RPL39L: variants seen among roughly 807,000 people sequenced by gnomAD.
The protein encoded by RPL39L is ribosomal protein eL39-like 2.
For missense variants in RPL39L, 48 were observed against 58.9 expected (o/e 0.81, Z 0.61); for synonymous variants, 16 against 20.1 (o/e 0.80, Z 0.55).
intron 1 of RPL39L, among the ~76,000 whole-genome samples, chr3:187,132,628 G>A (rs1560201199): frequency 6.6e-6 from 1 of 152,194 alleles, no homozygotes; most frequent in Non-Finnish European, 1.5e-5. Context: ...ACTATCTCAA[G>A]AGCCACTTTT....
intron 1 of RPL39L, among the ~76,000 whole-genome samples, chr3:187,132,884 A>C (rs1033060925): frequency 6.6e-6 from 1 of 152,178 alleles, no homozygotes; most frequent in Non-Finnish European, 1.5e-5. Flanking sequence ...ACCTAAGGTC[A>C]CAGACCAATA....
intron 2 of RPL39L, among the ~76,000 whole-genome samples, chr3:187,127,176 G>A (rs572162310): frequency 6.6e-6 from 1 of 152,284 alleles, no homozygotes; most frequent in Non-Finnish European, 1.5e-5. Context: ...GAGATCATTA[G>A]AAACTCTAGG....
intron 1 of RPL39L, among the ~76,000 whole-genome samples, chr3:187,136,400 T>C: frequency 6.6e-6 from 1 of 151,656 alleles, no homozygotes; most frequent in East Asian, 1.9e-4. Flanking sequence ...TATGCAAAAC[T>C]GGACAATCAA....
At chr3:187,133,701 C>G (rs1394008286) in intron 1 of RPL39L, among the ~76,000 whole-genome samples, 1 of 152,062 alleles carries the variant, frequency 6.6e-6, no homozygotes, top group Non-Finnish European at 1.5e-5. Flanking sequence ...TGGAGAGAGA[C>G]TCCTGTGTGG....
At chr3:187,137,517 GA>G (rs1388434539) in intron 1 of RPL39L, among the ~76,000 whole-genome samples, 1 of 149,566 alleles carries the variant, frequency 6.7e-6, no homozygotes. Context: ...CTTCAAAAAA[GA>G]AAAAGAAAAA....
intron 2 of RPL39L, among the ~76,000 whole-genome samples, chr3:187,122,002 C>T (rs1720318611): frequency 6.6e-6 from 1 of 152,146 alleles, no homozygotes; most frequent in African/African-American, 2.4e-5. Context: ...ACCTATAAAA[C>T]AAGTAATTCA....
Position 187,122,218 on chromosome 3 carries a change from A to T in RPL39L, c.-28-890T>A, listed in dbSNP as rs557271914. Among the ~76,000 whole-genome samples the T allele has an allele frequency of 9.6e-4, 147 of 152,342 alleles. No individual in the cohort carries two copies. The Middle Eastern group carries it at 0.014, about 14-fold the overall frequency. On this transcript the variant is annotated intron_variant, in intron 2 of 2. Transcript: ENST00000296277. ...ATTTAAAGATCTTGGGTCCTCCATA[A>T]TTAACGAACATCAACCTGGGGCCAG...
chr3:187,127,656 A>C (rs1167964009), intron 2 of RPL39L, among the ~76,000 whole-genome samples: 2 of 152,196 alleles, frequency 1.3e-5, no homozygotes, highest in Non-Finnish European at 2.9e-5. Flanking sequence ...AATCCTGTCT[A>C]CCATCATCCC....
intron 1 of RPL39L, among the ~76,000 whole-genome samples, chr3:187,128,603 G>A (rs1278927504): frequency 1.3e-5 from 2 of 152,108 alleles, no homozygotes; most frequent in African/African-American, 2.4e-5. Context: ...TCAAATGCCT[G>A]GCCTCGAGTA....
At chr3:187,123,139 C>T (rs568134286) in intron 2 of RPL39L, among the ~76,000 whole-genome samples, 2 of 152,290 alleles carry the variant, frequency 1.3e-5, no homozygotes, top group East Asian at 3.9e-4. Context: ...GACAACTGCC[C>T]TAGTGGGGAG....
At chr3:187,126,774 A>G (rs1486711688) in intron 2 of RPL39L, among the ~76,000 whole-genome samples, 1 of 152,180 alleles carries the variant, frequency 6.6e-6, no homozygotes, top group Non-Finnish European at 1.5e-5. Context: ...TAGGACCTCC[A>G]TTTTGACAGC....
chr3:187,124,525 C>T (rs961948250), intron 2 of RPL39L, among the ~76,000 whole-genome samples: 3 of 152,142 alleles, frequency 2.0e-5, no homozygotes, highest in Non-Finnish European at 2.9e-5. Context: ...CCCTAAACCC[C>T]GAGACATACA....
rs375472479 is a variant in RPL39L at position 187,136,170 on chromosome 3, G to A, written c.-93+3043C>T. ...GCTCAAGTGAAAGCTTAAATTTACAGGTAATTTTCTGTCCCTATCTACACT... is the reference window on the plus strand; with the variant it reads ...GCTCAAGTGAAAGCTTAAATTTACAAGTAATTTTCTGTCCCTATCTACACT... On this transcript the variant is annotated intron_variant, in intron 1 of 2. Coordinates refer to ENST00000296277, the MANE Select transcript of RPL39L (RefSeq NM_052969.3). Among the ~76,000 whole-genome samples the A allele has an allele frequency of 6.7e-4, 102 of 152,116 alleles. 1 individual carries two copies. The highest frequency in any genetic ancestry group is 3.4e-3 in the Middle Eastern group (1 of 294).
chr3:187,127,241 A>G (rs1720412072), intron 2 of RPL39L, among the ~76,000 whole-genome samples: 1 of 152,292 alleles, frequency 6.6e-6, no homozygotes, highest in East Asian at 1.9e-4. Context: ...GAAGCATGTT[A>G]AAGTTTGAGA....
intron 2 of RPL39L, among the ~76,000 whole-genome samples, chr3:187,127,577 TTTTA>T (rs1720420333): frequency 6.6e-6 from 1 of 152,210 alleles, no homozygotes; most frequent in African/African-American, 2.4e-5. Context: ...TTAGTGCCTA[TTTTA>T]ATGCATAGTG....
intron 1 of RPL39L, among the ~76,000 whole-genome samples, chr3:187,131,529 CCTT>C (rs1446129125): frequency 6.6e-6 from 1 of 152,134 alleles, no homozygotes; most frequent in Non-Finnish European, 1.5e-5. Context: ...GAGAGAGACT[CCTT>C]CTCATTTAAA....
chr3:187,130,436 C>T (rs1720466918), intron 1 of RPL39L, among the ~76,000 whole-genome samples: 1 of 152,162 alleles, frequency 6.6e-6, no homozygotes, highest in African/African-American at 2.4e-5. Flanking sequence ...TCCTTTGTGG[C>T]TTGGTGCTGC....
At chr3:187,130,316 C>T (rs1339964221) in intron 1 of RPL39L, among the ~76,000 whole-genome samples, 1 of 152,194 alleles carries the variant, frequency 6.6e-6, no homozygotes, top group Non-Finnish European at 1.5e-5. Context: ...ATTACTTTTG[C>T]ACCAATCTAA....
chr3:187,129,842 CCTTTT>C (rs1331568333), intron 1 of RPL39L, among the ~76,000 whole-genome samples: 1 of 124,566 alleles, frequency 8.0e-6, no homozygotes, highest in Non-Finnish European at 1.6e-5. Flanking sequence ...TCCCCTCCAC[CCTTTT>C]TTTTTTTTTT....
Sources: gnomAD v4.1 joint callset for allele counts (sites outside exome capture counted in the v4.1 genomes callset) on GRCh38, gnomAD v4.1.1 for gene constraint, MANE v1.5 for transcripts, NCBI Gene and HGNC (gene_info 2026-07-23, HGNC 2026-07-21) for gene names.